Variants in ERC2 observed in about 807,000 individuals in gnomAD.
ERC2 encodes ELKS/RAB6-interacting/CAST family member 2.
Under a neutral mutation model 114.8 loss-of-function variants are expected in ERC2, and 42 were observed. That is an observed-to-expected ratio of 0.37 (90% CI 0.29 to 0.47). ERC2 has a LOEUF of 0.47. Among genes scored for constraint, ERC2 ranks in the 20% least tolerant of loss-of-function variants. The probability of loss-of-function intolerance (pLI) is 0.99; values close to 1 mark genes in which losing one functional copy is unlikely to be tolerated. For synonymous variants in ERC2, 454 were observed against 425.5 expected, an observed-to-expected ratio of 1.07 and a Z score of -0.82; for missense variants, 939 against 1,150.7, an observed-to-expected ratio of 0.82 and a Z score of 2.66.
At chr3:56,117,566 C>T (rs1322255703) in intron 6 of ERC2, among the ~76,000 whole-genome samples, 5 of 152,124 alleles carry the variant, frequency 3.3e-5, no homozygotes, top group Admixed American at 3.3e-4. Context: ...GTCAAGTGAC[C>T]TTGCACCTGT....
chr3:56,161,560 T>G (rs1169721139), intron 4 of ERC2, among the ~76,000 whole-genome samples: 1 of 152,194 alleles, frequency 6.6e-6, no homozygotes, highest in Non-Finnish European at 1.5e-5. Flanking sequence ...GTTTATGTCA[T>G]CTGTGATTTC....
intron 9 of ERC2, among the ~76,000 whole-genome samples, chr3:56,007,880 G>A (rs6805479): frequency 0.042 from 6,372 of 152,014 alleles, 456 homozygotes; most frequent in African/African-American, 0.14. Flanking sequence ...TTATGTTTGC[G>A]TCCTTTGCAA....
At position 55,764,534 on chromosome 3, in the gene ERC2, T is replaced by TA. The variant is rs1285666937; in HGVS notation, c.2565-29617dup. On this transcript the variant is annotated intron_variant, in intron 14 of 17. Transcript: ENST00000288221. ...TGAATGACTACACAAATGAAGGAGATACTTATGGCTTTGGCTGTGCTCTTA... is the reference window on the plus strand; with the variant it reads ...TGAATGACTACACAAATGAAGGAGATAACTTATGGCTTTGGCTGTGCTCTTA... Among the ~76,000 whole-genome samples, 3 of 152,216 alleles carry TA rather than the reference T, an allele frequency of 2.0e-5. No individual in the cohort carries two copies. The East Asian group carries it at 5.8e-4, about 29-fold the overall frequency.
chr3:55,837,191 G>A (rs1265215092), intron 14 of ERC2, among the ~76,000 whole-genome samples: 1 of 152,216 alleles, frequency 6.6e-6, no homozygotes, highest in African/African-American at 2.4e-5. Context: ...GTGGAAGTCA[G>A]TGTGGTGTTC....
intron 6 of ERC2, among the ~76,000 whole-genome samples, chr3:56,133,016 C>A (rs984227667): frequency 6.6e-6 from 1 of 152,168 alleles, no homozygotes; most frequent in African/African-American, 2.4e-5. Context: ...AGGATTTAAG[C>A]CTCAGAGTTA....
chr3:55,566,133 T>G (rs953816711), intron 17 of ERC2, among the ~76,000 whole-genome samples: 3 of 152,196 alleles, frequency 2.0e-5, no homozygotes, highest in Non-Finnish European at 4.4e-5. Flanking sequence ...CAAGAGCATC[T>G]ACTTGGTCCT....
chr3:56,136,485 A>T (rs1308063145), intron 6 of ERC2, among the ~76,000 whole-genome samples: 1 of 152,048 alleles, frequency 6.6e-6, no homozygotes, highest in Admixed American at 6.6e-5. Context: ...TGTATAGGTA[A>T]ATTGTGTTTC....
At chr3:55,721,767 A>T (rs980062113) in intron 15 of ERC2, among the ~76,000 whole-genome samples, 4 of 152,208 alleles carry the variant, frequency 2.6e-5, no homozygotes, top group Admixed American at 1.3e-4. Context: ...CTCAGCGAGC[A>T]TTAGACCCCC....
intron 17 of ERC2, among the ~76,000 whole-genome samples, chr3:55,664,889 G>C (rs2061296956): frequency 6.6e-6 from 1 of 152,206 alleles, no homozygotes; most frequent in Non-Finnish European, 1.5e-5. Flanking sequence ...TTGATGGAGA[G>C]AGGCAAGCAG....
chr3:55,712,473 T>C (rs759390740), intron 15 of ERC2, among the ~76,000 whole-genome samples: 2 of 152,204 alleles, frequency 1.3e-5, no homozygotes, highest in Admixed American at 6.5e-5. Flanking sequence ...TAGCAGTTGA[T>C]ATGGGGCTTT....
intron 14 of ERC2, among the ~76,000 whole-genome samples, chr3:55,883,792 G>A (rs2063227945): frequency 6.6e-6 from 1 of 152,022 alleles, no homozygotes; most frequent in African/African-American, 2.4e-5. Context: ...GGAGGTGGAG[G>A]CAGGAGAATG....
chr3:56,427,743 AC>A (rs1161603594), intron 2 of ERC2, among the ~76,000 whole-genome samples: 1 of 152,044 alleles, frequency 6.6e-6, no homozygotes, highest in Non-Finnish European at 1.5e-5. Context: ...CCTGGAACAG[AC>A]CCTTCCCTCA....
chr3:56,346,730 A>G (rs2058323414), intron 2 of ERC2, among the ~76,000 whole-genome samples: 1 of 152,208 alleles, frequency 6.6e-6, no homozygotes, highest in South Asian at 2.1e-4. Context: ...ATAACAGAAC[A>G]CCACAGAATG....
chr3:56,367,355 C>T (rs538210364), intron 2 of ERC2, among the ~76,000 whole-genome samples: 2 of 151,916 alleles, frequency 1.3e-5, no homozygotes, highest in East Asian at 3.9e-4. Context: ...TCTTAAATAA[C>T]ACAAACTAGA....
intron 2 of ERC2, among the ~76,000 whole-genome samples, chr3:56,396,181 A>G (rs1245783924): frequency 6.6e-6 from 1 of 152,238 alleles, no homozygotes; most frequent in Non-Finnish European, 1.5e-5. Flanking sequence ...CCTTTTACTT[A>G]GAAATTCTCT....
At chr3:56,304,556 GT>G (rs2056096414) in intron 2 of ERC2, among the ~76,000 whole-genome samples, 1 of 202 alleles carries the variant, frequency 5.0e-3, no homozygotes, top group Non-Finnish European at 0.012. Context: ...ACCAAAGCTA[GT>G]AGGCATGAAC....
chr3:56,247,700 G>A (rs1288339638), intron 3 of ERC2, among the ~76,000 whole-genome samples: 2 of 152,184 alleles, frequency 1.3e-5, no homozygotes, highest in Non-Finnish European at 2.9e-5. Flanking sequence ...GAAAACAACT[G>A]GGTAAAGGAA....
intron 13 of ERC2, among the ~76,000 whole-genome samples, chr3:55,933,970 T>C (rs2066283397): frequency 6.6e-6 from 1 of 152,206 alleles, no homozygotes; most frequent in South Asian, 2.1e-4. Context: ...TTTGGGTTTT[T>C]AATTTAGAGG....
intron 17 of ERC2, among the ~76,000 whole-genome samples, chr3:55,516,967 C>T (rs2052554867): frequency 5.3e-5 from 8 of 152,094 alleles, no homozygotes; most frequent in Admixed American, 5.2e-4. Context: ...GGTAAAATTC[C>T]CCAGCTCCCT....
Sources: gnomAD v4.1 joint callset for allele counts (sites outside exome capture counted in the v4.1 genomes callset) on GRCh38, gnomAD v4.1.1 for gene constraint, MANE v1.5 for transcripts, NCBI Gene and HGNC (gene_info 2026-07-23, HGNC 2026-07-21) for gene names.